CLMP: variants seen among roughly 807,000 people sequenced by gnomAD.
The protein encoded by CLMP is CXADR like cell adhesion molecule.
In CLMP, 27 loss-of-function variants were observed where a neutral mutation model predicts 45.2. The observed-to-expected ratio is 0.60, with a 90% CI of 0.44 to 0.82. CLMP has a LOEUF of 0.82. Ranked by LOEUF, CLMP falls within the 40% of genes least tolerant of loss-of-function variation. The pLI is 0.00. For synonymous variants in CLMP, 167 were observed against 171.4 expected (o/e 0.97, Z 0.20); for missense variants, 403 against 448.4 (o/e 0.90, Z 0.91).
At chr11:123,137,758 C>T (rs1861099004) in intron 1 of CLMP, among the ~76,000 whole-genome samples, 1 of 152,126 alleles carries the variant, frequency 6.6e-6, no homozygotes, top group South Asian at 2.1e-4. Context: ...AGTTGGGCGC[C>T]CCGAAGCTGC....
intron 1 of CLMP, among the ~76,000 whole-genome samples, chr11:123,167,125 C>T (rs1045661485): frequency 2.0e-5 from 3 of 152,020 alleles, no homozygotes; most frequent in African/African-American, 4.8e-5. Flanking sequence ...TGAGTGATAG[C>T]GATTACTATC....
intron 1 of CLMP, among the ~76,000 whole-genome samples, chr11:123,177,052 C>T (rs1355959263): frequency 1.3e-5 from 2 of 152,098 alleles, no homozygotes; most frequent in African/African-American, 4.8e-5. Context: ...TGAAGGGTAG[C>T]AGGTGCGGGT....
rs531766060 is a variant in CLMP, at chr11:123,167,200, A to G, written c.28+27713T>C. On this transcript the variant is annotated intron_variant, in intron 1 of 6. Transcript: ENST00000448775. Reference sequence around the variant, plus strand: ...TATCGTCCTTTGTTTTGGGAAGCTGAGGAAACACACATACAGAGAAGTTCA... The same window carrying G: ...TATCGTCCTTTGTTTTGGGAAGCTGGGGAAACACACATACAGAGAAGTTCA... 9.5e-4 allele frequency among the ~76,000 whole-genome samples: 144 copies of G among 152,342 alleles called. 6 individuals are homozygous for G. Among genetic ancestry groups the G allele is most frequent in the Non-Finnish European group, 1.3e-3 (86 of 68,024 alleles).
chr11:123,117,988 T>C (rs567778973), intron 1 of CLMP, among the ~76,000 whole-genome samples: 8 of 152,202 alleles, frequency 5.3e-5, no homozygotes, highest in Non-Finnish European at 1.0e-4. Context: ...TCACCTATGA[T>C]CACTGGGGAG....
At chr11:123,157,652 G>A (rs1861432396) in intron 1 of CLMP, among the ~76,000 whole-genome samples, 1 of 150,906 alleles carries the variant, frequency 6.6e-6, no homozygotes, top group Admixed American at 6.6e-5. Context: ...CCCGAGTGGG[G>A]CAGGAGGCAG....
intron 2 of CLMP, among the ~76,000 whole-genome samples, chr11:123,087,079 T>C (rs1865873362): frequency 6.6e-6 from 1 of 152,060 alleles, no homozygotes; most frequent in African/African-American, 2.4e-5. Context: ...GGCTCACGCC[T>C]ATAATCCCAG....
intron 1 of CLMP, among the ~76,000 whole-genome samples, chr11:123,099,049 A>G (rs1160695007): frequency 1.3e-5 from 2 of 151,972 alleles, no homozygotes; most frequent in African/African-American, 2.4e-5. Flanking sequence ...GCCAGGTCCC[A>G]GGTTACTTCT....
At position 123,097,926 on chromosome 11, in the gene CLMP, TC is replaced by T; in HGVS notation, c.54del (p.Thr19LeufsTer45). On this transcript the variant is annotated frameshift_variant, in exon 2 of 7. Coordinates refer to ENST00000448775, the MANE Select transcript of CLMP (RefSeq NM_024769.5). LOFTEE classifies it high-confidence loss of function. ...LLVSYYVGTLGTHTEIKRVAE... is the reference protein window; with the variant it reads ...LLVSYYVGTLXTHTEIKRVAE... ...GCCACTCTCTTGATCTCAGTGTGAG[TC>T]CCCAAGGTTCCAACATAGTAGGAAA... 6.3e-7 allele frequency: 1 copy of T among 1,582,024 alleles called. No individual in the cohort carries two copies. Among genetic ancestry groups the T allele is most frequent in the African/African-American group, 1.4e-5 (1 of 73,620 alleles).
Position 123,160,199 on chromosome 11 carries a change from G to T in CLMP, c.28+34714C>A, listed in dbSNP as rs1243873120. ...GGAGGCTGAAGCAGGAGAATCACTT[G>T]AACCCGGGAGGCAAAGGTTGCAGTG... On this transcript the variant is annotated intron_variant, in intron 1 of 6. Transcript: ENST00000448775. Among the ~76,000 whole-genome samples, 6 of 129,122 alleles carry T rather than the reference G, an allele frequency of 4.6e-5. 1 individual carries two copies. In the South Asian group the frequency reaches 1.6e-3, roughly 34 times the overall value. The allele number at this position is 129,122 out of a possible 152,430, so 84.7% of individuals were successfully genotyped here.
At chr11:123,077,551 A>G (rs1396132276) in intron 5 of CLMP, among the ~76,000 whole-genome samples, 1 of 152,148 alleles carries the variant, frequency 6.6e-6, no homozygotes, top group Non-Finnish European at 1.5e-5. Flanking sequence ...GCTGGTCTCA[A>G]ACTCCTGACC....
chr11:123,114,807 T>A (rs1447085323), intron 1 of CLMP, among the ~76,000 whole-genome samples: 1 of 152,174 alleles, frequency 6.6e-6, no homozygotes. Context: ...TCTTGTGAAG[T>A]AAGCACTATT....
At chr11:123,130,384 G>T (rs1591470219) in intron 1 of CLMP, among the ~76,000 whole-genome samples, 2 of 152,182 alleles carry the variant, frequency 1.3e-5, no homozygotes, top group East Asian at 3.9e-4. Flanking sequence ...TCAAGGCTTT[G>T]CCCTGCTTTC....
At chr11:123,156,777 C>A (rs1861420599) in intron 1 of CLMP, among the ~76,000 whole-genome samples, 1 of 152,062 alleles carries the variant, frequency 6.6e-6, no homozygotes, top group African/African-American at 2.4e-5. Context: ...AAATGTGCTT[C>A]CTTCTTCTTC....
At chr11:123,079,360 G>C (rs1340635247) in intron 5 of CLMP, among the ~76,000 whole-genome samples, 1 of 151,960 alleles carries the variant, frequency 6.6e-6, no homozygotes, top group Non-Finnish European at 1.5e-5. Flanking sequence ...TCTCAACCTA[G>C]TGGGGAAAAA....
At chr11:123,101,455 T>C (rs988544007) in intron 1 of CLMP, among the ~76,000 whole-genome samples, 3 of 152,208 alleles carry the variant, frequency 2.0e-5, no homozygotes, top group African/African-American at 7.2e-5. Flanking sequence ...TTACCAAAAT[T>C]GATTAGCAGC....
At chr11:123,187,340 C>T (rs1039908510) in intron 1 of CLMP, among the ~76,000 whole-genome samples, 3 of 152,198 alleles carry the variant, frequency 2.0e-5, no homozygotes, top group Non-Finnish European at 4.4e-5. Context: ...TTGGAACTGT[C>T]ATTGGAAGTA....
intron 1 of CLMP, among the ~76,000 whole-genome samples, chr11:123,147,971 C>T (rs756738755): frequency 6.6e-6 from 1 of 152,096 alleles, no homozygotes; most frequent in Admixed American, 6.5e-5. Context: ...AGCCACCGTG[C>T]GTGGCTTAGA....
Position 123,167,654 on chromosome 11 carries a change from C to T in CLMP, c.28+27259G>A, listed in dbSNP as rs185770325. On this transcript the variant is annotated intron_variant, in intron 1 of 6. Coordinates refer to ENST00000448775, the MANE Select transcript of CLMP (RefSeq NM_024769.5). ...AGATATTGTGCTGCAGCCTCCGTTC[C>T]ATGCTACCTCTTACCCTACTGGCAA... is the stretch of plus-strand genomic sequence containing the variant. Among the ~76,000 whole-genome samples the T allele has an allele frequency of 6.2e-4, 94 of 152,316 alleles. 2 individuals are homozygous for T. The highest frequency in any genetic ancestry group is 6.0e-3 in the Admixed American group (92 of 15,296).
chr11:123,194,974 G>A lies in CLMP; in HGVS notation c.-34C>T, dbSNP rs973906503. On this transcript the variant is annotated 5_prime_UTR_variant, in exon 1 of 7. Coordinates refer to ENST00000448775, the MANE Select transcript of CLMP (RefSeq NM_024769.5). The stretch of plus-strand genomic sequence containing the variant: ...CCGGACGCGGGCGCTTCCCCGCTCA[G>A]CTGCTGCTTGGCTCCGGGGCGGCCG... 5.0e-6 allele frequency: 8 copies of A among 1,608,918 alleles called. No individual in the cohort carries two copies. The African/African-American group carries it at 1.1e-4, about 22-fold the overall frequency.
Sources: allele counts gnomAD v4.1 joint callset (sites outside exome capture counted in the v4.1 genomes callset), GRCh38; gene constraint gnomAD v4.1.1; transcripts MANE v1.5; gene names NCBI Gene and HGNC (gene_info 2026-07-23, HGNC 2026-07-21).